The following LRRC28 variants were observed in gnomAD, a reference collection of about 807,000 sequenced individuals.
LRRC28 encodes the protein leucine-rich repeat-containing protein 28.
Under a neutral mutation model 45.7 loss-of-function variants are expected in LRRC28, and 39 were observed. The ratio of observed to expected loss-of-function variants is 0.85; its 90% confidence interval spans 0.66 to 1.12. LRRC28 has a LOEUF of 1.12. Ranked by LOEUF, LRRC28 falls within the 50% of genes most tolerant of loss-of-function variation. The pLI is 0.00. For missense variants in LRRC28, 435 were observed against 438.5 expected, an observed-to-expected ratio of 0.99 and a Z score of 0.07; for synonymous variants, 206 against 178.8, an observed-to-expected ratio of 1.15 and a Z score of -1.22.
At chr15:99,296,153 C>T (rs1259417497) in intron 5 of LRRC28, among the ~76,000 whole-genome samples, 3 of 152,218 alleles carry the variant, frequency 2.0e-5, no homozygotes, top group Non-Finnish European at 4.4e-5. Flanking sequence ...GCACAGGCTG[C>T]AGTGATTTTT....
At chr15:99,346,878 A>G (rs1956699287) in intron 6 of LRRC28, among the ~76,000 whole-genome samples, 1 of 152,154 alleles carries the variant, frequency 6.6e-6, no homozygotes, top group South Asian at 2.1e-4. Context: ...CCATTGAAGA[A>G]GTTTGTGTGT....
chr15:99,273,398 G>A (rs1222609996), intron 2 of LRRC28, among the ~76,000 whole-genome samples: 8 of 151,910 alleles, frequency 5.3e-5, no homozygotes, highest in African/African-American at 1.7e-4. Context: ...CACCACGCCC[G>A]GCTAATTTTT....
chr15:99,291,648 T>G (rs1337222530), intron 5 of LRRC28, among the ~76,000 whole-genome samples: 2 of 152,244 alleles, frequency 1.3e-5, no homozygotes, highest in African/African-American at 4.8e-5. Flanking sequence ...ACATGTTATA[T>G]TCTCTTAAAA....
In LRRC28 at chr15:99,387,300, TC is replaced by T. The variant is rs1241617002; in HGVS notation, c.*1200del. 6.6e-6 allele frequency: 1 copy of T among 151,790 alleles called. No homozygotes were observed. Among genetic ancestry groups the T allele is most frequent in the East Asian group, 1.9e-4 (1 of 5,170 alleles). 9.4% of individuals were successfully genotyped at this position (151,790 alleles called of 1,614,324 possible). ...TGGTCTCGATCTCCTGACCTCGTGA[TC>T]CGCACGCCTCGGCCTCCCAAAGTGC... On this transcript the variant is annotated 3_prime_UTR_variant, in exon 10 of 10. Coordinates refer to ENST00000301981, the MANE Select transcript of LRRC28 (RefSeq NM_144598.5).
At chr15:99,268,795 C>T (rs942652827) in intron 2 of LRRC28, among the ~76,000 whole-genome samples, 1 of 152,032 alleles carries the variant, frequency 6.6e-6, no homozygotes, top group African/African-American at 2.4e-5. Flanking sequence ...TTTTATATTG[C>T]TTTGAAAATT....
intron 2 of LRRC28, among the ~76,000 whole-genome samples, chr15:99,257,332 T>C (rs2081051507): frequency 6.6e-6 from 1 of 152,198 alleles, no homozygotes; most frequent in South Asian, 2.1e-4. Flanking sequence ...GAAACCATAT[T>C]AGTACTTTTT....
At position 99,364,333 on chromosome 15, in the gene LRRC28, C is replaced by T. The variant is rs564634274; in HGVS notation, c.1031+1068C>T. ...TTCAACAAATGGTAGTTCCCATTTA[C>T]ATAGCTCTACTCACGCCATCCCAAA... is the stretch of plus-strand genomic sequence containing the variant. On this transcript the variant is annotated intron_variant, in intron 9 of 9. Transcript: ENST00000301981. Among the ~76,000 whole-genome samples, 26 of 152,378 alleles carry T rather than the reference C, an allele frequency of 1.7e-4. No individual in the cohort carries two copies. The East Asian group carries it at 4.8e-3, about 28-fold the overall frequency.
At chr15:99,331,972 A>G (rs1202283135) in intron 5 of LRRC28, 1 of 152,188 alleles carries the variant, frequency 6.6e-6, no homozygotes, top group African/African-American at 2.4e-5. Flanking sequence ...TGTGTGTGAT[A>G]TGCTTCTCAA....
chr15:99,315,430 G>A (rs1555564833), intron 5 of LRRC28, among the ~76,000 whole-genome samples: 1 of 152,028 alleles, frequency 6.6e-6, no homozygotes, highest in Non-Finnish European at 1.5e-5. Flanking sequence ...AACTTCCAGT[G>A]GAAAGTCACT....
At chr15:99,330,181 A>G (rs1249903593) in intron 5 of LRRC28, among the ~76,000 whole-genome samples, 1 of 152,006 alleles carries the variant, frequency 6.6e-6, no homozygotes, top group Admixed American at 6.6e-5. Context: ...TTGATTTTGG[A>G]TCTTTCAGGA....
chr15:99,300,952 A>G (rs1954946806), intron 5 of LRRC28, among the ~76,000 whole-genome samples: 1 of 152,248 alleles, frequency 6.6e-6, no homozygotes, highest in Non-Finnish European at 1.5e-5. Context: ...ACTGAATACT[A>G]CATGTTCAAA....
intron 7 of LRRC28, among the ~76,000 whole-genome samples, chr15:99,354,911 T>G (rs1957001573): frequency 6.6e-6 from 1 of 152,228 alleles, no homozygotes; most frequent in African/African-American, 2.4e-5. Context: ...ATTGAGGGTC[T>G]AAGAATTAGA....
At chr15:99,379,194 AATT>A (rs1163307787) in intron 9 of LRRC28, among the ~76,000 whole-genome samples, 2 of 152,100 alleles carry the variant, frequency 1.3e-5, no homozygotes, top group Non-Finnish European at 2.9e-5. Context: ...GTAGGCTATT[AATT>A]ATTGCCTCAA....
intron 5 of LRRC28, among the ~76,000 whole-genome samples, chr15:99,300,098 C>T (rs977612443): frequency 4.6e-5 from 7 of 151,240 alleles, no homozygotes; most frequent in Non-Finnish European, 4.4e-5. Context: ...ATTTACAAGA[C>T]TAATATTAGT....
chr15:99,347,073 G>A (rs1315712180), intron 6 of LRRC28, among the ~76,000 whole-genome samples: 1 of 152,138 alleles, frequency 6.6e-6, no homozygotes, highest in Non-Finnish European at 1.5e-5. Context: ...TACAGTACAA[G>A]TTTATTAACC....
intron 5 of LRRC28, 179 bp from the exon 6 acceptor site, chr15:99,333,744 A>G: frequency 1.5e-6 from 1 of 650,782 alleles, no homozygotes; most frequent in Non-Finnish European, 2.6e-6. Context: ...TAATTTAAAA[A>G]CACTCACCTA....
chr15:99,380,276 C>T, intron 9 of LRRC28, among the ~76,000 whole-genome samples: 1 of 152,142 alleles, frequency 6.6e-6, no homozygotes, highest in African/African-American at 2.4e-5. Flanking sequence ...GAATTGATCC[C>T]TTTACCATTA....
Position 99,361,317 on chromosome 15 carries a change from A to G in LRRC28, c.696-19A>G. ...TTTCCTTATTGCTAATAATACTGTG[A>G]ATGTGTGTCTTTCTGCAGCTGTGGT... On this transcript the variant is annotated intron_variant, in intron 7 of 9. Transcript: ENST00000301981. The G allele has an allele frequency of 6.2e-7, 1 of 1,603,516 alleles. No individual in the cohort carries two copies. The highest frequency in any genetic ancestry group is 2.2e-5 in the East Asian group (1 of 44,752).
At chr15:99,259,486 T>G in intron 2 of LRRC28, 1 of 1,149,448 alleles carries the variant, frequency 8.7e-7, no homozygotes, top group South Asian at 1.2e-5. Flanking sequence ...GGGTGAAAGA[T>G]AAAGCCATTA....
Sources: allele counts gnomAD v4.1 joint callset (sites outside exome capture counted in the v4.1 genomes callset), GRCh38; gene constraint gnomAD v4.1.1; transcripts MANE v1.5; gene names NCBI Gene and HGNC (gene_info 2026-07-23, HGNC 2026-07-21).